The following TTF2 variants were observed in gnomAD, a reference collection of about 807,000 sequenced individuals.
TTF2 encodes RNA polymerase II termination factor.
A neutral mutation model predicts 142.4 loss-of-function variants in TTF2; 108 were observed. That is an observed-to-expected ratio of 0.76 (90% CI 0.65 to 0.89). The LOEUF (loss-of-function observed/expected upper bound fraction) is 0.89, where lower values mean the gene tolerates loss of function less well. Ranked by LOEUF, TTF2 falls within the 40% of genes least tolerant of loss-of-function variation. The probability of loss-of-function intolerance (pLI) is 0.00; values close to 1 mark genes in which losing one functional copy is unlikely to be tolerated. For missense variants in TTF2, 1,327 were observed against 1,379.8 expected (o/e 0.96, Z 0.61); for synonymous variants, 483 against 506.2 (o/e 0.95, Z 0.61).
chr1:117,101,506 A>C lies in TTF2; in HGVS notation c.3471A>C (p.Arg1157Ser). ...CCAAGCTCACCTTGGCTGACCTCAGAGTCCTTTTTGGCATCTAACCTCCTG... is the reference window on the plus strand; with the variant it reads ...CCAAGCTCACCTTGGCTGACCTCAGCGTCCTTTTTGGCATCTAACCTCCTG... ...SVTKLTLADL[R>S]VLFGI The change falls in exon 23 of 23, where the codon AGA becomes AGC. Residue 1157 changes from arginine to serine, a missense_variant. Coordinates refer to ENST00000369466, the MANE Select transcript of TTF2 (RefSeq NM_003594.4). The surrounding 1 kb of genome is among the most constrained non-coding windows in gnomAD (Gnocchi z 5.9). 6.3e-7 allele frequency: 1 copy of C among 1,593,674 alleles called. No homozygotes were observed. Among genetic ancestry groups the C allele is most frequent in the Non-Finnish European group, 8.5e-7 (1 of 1,175,010 alleles).
In TTF2 at chr1:117,075,065, C is replaced by G. The variant is rs35838803; in HGVS notation, c.481C>G (p.Gln161Glu). The G allele has an allele frequency of 2.2e-4, 361 of 1,613,882 alleles. 1 individual carries two copies. In the Admixed American group the frequency reaches 5.8e-3, roughly 26 times the overall value. ...TAAGAAGCAAAGAGAAAAGGGAGAT[C>G]AGCTTTTCGATCAAAAGAAAGAACA... ...ADKKQREKGD[Q>E]LFDQKKEQKP... is the part of the protein sequence containing the mutation. The change falls in exon 5 of 23, where the codon CAG (glutamine) becomes GAG (glutamate). Residue 161 changes from glutamine (Q) to glutamate (E), a missense_variant. Coordinates refer to ENST00000369466, the MANE Select transcript of TTF2 (RefSeq NM_003594.4). This position sits in a 1 kb window ranked among gnomAD's most constrained non-coding sequence, Gnocchi z 4.5.
At chr1:117,060,967 C>T (rs1412658263) in intron 2 of TTF2, among the ~76,000 whole-genome samples, 1 of 152,168 alleles carries the variant, frequency 6.6e-6, no homozygotes, top group Non-Finnish European at 1.5e-5. Flanking sequence ...TAGTTTTAGG[C>T]CCGACGGTTT....
intron 18 of TTF2, among the ~76,000 whole-genome samples, chr1:117,095,092 C>A (rs1459312199): frequency 2.0e-5 from 3 of 152,134 alleles, no homozygotes; most frequent in African/African-American, 7.2e-5. Context: ...TGGCCTTTAT[C>A]CTCAGTGGGA....
At position 117,086,253 on chromosome 1, in the gene TTF2, G is replaced by A. The variant is rs1647990462; in HGVS notation, c.2055-164G>A. ...GGTAAAATTTACCTCCAAAATGTGT[G>A]TGTGTGTGTGTGTGTGTGCGTGTGT... On this transcript the variant is annotated intron_variant, in intron 11 of 22. Transcript: ENST00000369466. This position sits in a 1 kb window ranked among gnomAD's most constrained non-coding sequence, Gnocchi z 4.2. Among the ~76,000 whole-genome samples, 2 of 151,614 alleles carry A rather than the reference G, an allele frequency of 1.3e-5. No homozygotes were observed. The highest frequency in any genetic ancestry group is 4.2e-4 in the South Asian group (2 of 4,816).
At chr1:117,074,812 T>A in intron 4 of TTF2, 58 bp from the exon 5 acceptor site, 1 of 1,436,044 alleles carries the variant, frequency 7.0e-7, no homozygotes, top group South Asian at 1.5e-5. Flanking sequence ...AGGAAAGGCA[T>A]TCTAGATACG....
chr1:117,090,427 C>A lies in TTF2; in HGVS notation c.2497-105C>A. On this transcript the variant is annotated intron_variant, in intron 14 of 22. Coordinates refer to ENST00000369466, the MANE Select transcript of TTF2 (RefSeq NM_003594.4). This position sits in a 1 kb window ranked among gnomAD's most constrained non-coding sequence, Gnocchi z 4.8. ...TGTGTCTAAGAAAGGGTGGAAGCTG[C>A]ATTCCAGGGTTGACTAGATATGCAG... 1.7e-6 allele frequency: 2 copies of A among 1,211,108 alleles called. No individual in the cohort carries two copies. The highest frequency in any genetic ancestry group is 2.4e-6 in the Non-Finnish European group (2 of 846,928). The allele number at this position is 1,211,108 out of a possible 1,614,324, so 75.0% of individuals were successfully genotyped here.
chr1:117,090,471 G>T lies in TTF2; in HGVS notation c.2497-61G>T. ...TATGCAGTGTCAGTATGGGGAATTT[G>T]TTCTATAATAGGCAGTTAATTTGTA... On this transcript the variant is annotated intron_variant, in intron 14 of 22. Coordinates refer to ENST00000369466, the MANE Select transcript of TTF2 (RefSeq NM_003594.4). The surrounding 1 kb of genome is among the most constrained non-coding windows in gnomAD (Gnocchi z 4.8). 1 of 1,492,898 alleles carries T rather than the reference G, an allele frequency of 6.7e-7. No individual in the cohort carries two copies. The highest frequency in any genetic ancestry group is 9.2e-7 in the Non-Finnish European group (1 of 1,081,236). The allele number at this position is 1,492,898 out of a possible 1,614,324, so 92.5% of individuals were successfully genotyped here. A position where few individuals can be genotyped will look rare whatever the true frequency, so the allele number is the denominator to read the frequency against.
chr1:117,074,004 G>T (rs150444190), intron 4 of TTF2, among the ~76,000 whole-genome samples: 238 of 152,268 alleles, frequency 1.6e-3, no homozygotes, highest in African/African-American at 5.6e-3. Context: ...GAAAAAAATA[G>T]ATTTCCTTGA....
At chr1:117,088,732 C>T in intron 12 of TTF2, 69 bp from the exon 13 acceptor site, 1 of 1,528,144 alleles carries the variant, frequency 6.5e-7, no homozygotes, top group Non-Finnish European at 8.8e-7. Context: ...CCTGCTATTT[C>T]CCCTTGTGTC....
At chr1:117,072,310 T>C (rs1442010944) in intron 3 of TTF2, among the ~76,000 whole-genome samples, 1 of 152,106 alleles carries the variant, frequency 6.6e-6, no homozygotes, top group Non-Finnish European at 1.5e-5. Flanking sequence ...ACTCTTGTTC[T>C]ATATGTATCC....
chr1:117,060,642 AG>A, intron 2 of TTF2, 85 bp downstream of exon 2: 1 of 1,357,042 alleles, frequency 7.4e-7, no homozygotes, highest in Admixed American at 2.4e-5. Context: ...CGGGCGTCAC[AG>A]GGCCGAGGAG....
At position 117,105,104 on chromosome 1, in the gene TTF2, T is replaced by G. The variant is rs993809689; in HGVS notation, c.*3580T>G. 6 of 152,172 alleles carry G rather than the reference T, an allele frequency of 3.9e-5. No homozygotes were observed. Among genetic ancestry groups the G allele is most frequent in the Admixed American group, 6.5e-5 (1 of 15,278 alleles). The allele number at this position is 152,172 out of a possible 1,614,324, so 9.4% of individuals were successfully genotyped here. ...TTACATCTGCCTATTGCACCTGACT[T>G]GGGCATGGATGATATGAGGTAATAA... On this transcript the variant is annotated 3_prime_UTR_variant, in exon 23 of 23. Transcript: ENST00000369466. This position sits in a 1 kb window ranked among gnomAD's most constrained non-coding sequence, Gnocchi z 4.7.
intron 3 of TTF2, among the ~76,000 whole-genome samples, chr1:117,064,876 A>G (rs916197749): frequency 7.3e-6 from 1 of 136,138 alleles, no homozygotes; most frequent in Non-Finnish European, 1.6e-5. Context: ...TAGGTCTATT[A>G]TCTATATCTT....
At chr1:117,091,178 T>G (rs1648542959) in intron 15 of TTF2, 150 bp from the exon 16 acceptor site, 3 of 505,510 alleles carry the variant, frequency 5.9e-6, no homozygotes, top group Non-Finnish European at 1.0e-5. Flanking sequence ...AATAACTGTT[T>G]CTTTTGCATT....
At chr1:117,061,043 A>G (rs1275249135) in intron 2 of TTF2, among the ~76,000 whole-genome samples, 1 of 152,204 alleles carries the variant, frequency 6.6e-6, no homozygotes, top group African/African-American at 2.4e-5. Context: ...TTTAAGTAGG[A>G]TTCTCTGCAT....
rs1465662639 is a variant in TTF2 at position 117,093,847 on chromosome 1, T to C, written c.2976+946T>C. ...ACAAGTTTTCTTAACATATGTCCAT[T>C]AATAGTTCAAACCACATACGGTTGT... On this transcript the variant is annotated intron_variant, in intron 18 of 22. Transcript: ENST00000369466. The surrounding 1 kb of genome is among the most constrained non-coding windows in gnomAD (Gnocchi z 4.5). Among the ~76,000 whole-genome samples the C allele has an allele frequency of 6.6e-6, 1 of 152,198 alleles. No homozygotes were observed. Among genetic ancestry groups the C allele is most frequent in the Non-Finnish European group, 1.5e-5 (1 of 68,036 alleles).
intron 13 of TTF2, among the ~76,000 whole-genome samples, chr1:117,089,260 C>CTCTATATATATATATATATATATATATA (rs1553198318): frequency 2.9e-5 from 4 of 137,466 alleles, no homozygotes; most frequent in African/African-American, 1.1e-4. Flanking sequence ...CAAATATATG[C>CTCTATATATATATATATATATATATATA]TATATATATA....
Position 117,090,545 on chromosome 1 carries a change from A to G in TTF2, c.2510A>G (p.Gln837Arg), listed in dbSNP as rs762245843. 2.5e-6 allele frequency: 4 copies of G among 1,613,706 alleles called. No individual in the cohort carries two copies. The highest frequency in any genetic ancestry group is 1.1e-5 in the South Asian group (1 of 90,984). The change falls in exon 15 of 23, where the codon CAG becomes CGG. Residue 837 changes from glutamine (Q) to arginine (R), a missense_variant. Transcript: ENST00000369466. This position sits in a 1 kb window ranked among gnomAD's most constrained non-coding sequence, Gnocchi z 4.8. The part of the protein sequence containing the change: ...STGRPLVILP[Q>R]RKFQLHHLKL... ...TTATTCTTCCAGGTGATACTGCCCC[A>G]GCGTAAATTTCAGTTGCACCATTTA... is the stretch of plus-strand genomic sequence containing the variant.
intron 3 of TTF2, among the ~76,000 whole-genome samples, chr1:117,062,750 C>G (rs1440562252): frequency 6.6e-6 from 1 of 152,162 alleles, no homozygotes; most frequent in African/African-American, 2.4e-5. Flanking sequence ...CCATTGGCCA[C>G]TAACTTGCCC....
Sources: gnomAD v4.1 joint callset for allele counts (sites outside exome capture counted in the v4.1 genomes callset) on GRCh38, gnomAD v4.1.1 for gene constraint, Gnocchi (gnomAD v3.1) non-coding constraint, MANE v1.5 for transcripts, NCBI Gene and HGNC (gene_info 2026-07-23, HGNC 2026-07-21) for gene names.